Variants in HMGXB4 observed in about 807,000 individuals in gnomAD.
The protein encoded by HMGXB4 is HMG-box containing 4.
In HMGXB4, 27 loss-of-function variants were observed where a neutral mutation model predicts 63.9. That is an observed-to-expected ratio of 0.42 (90% CI 0.31 to 0.58). The LOEUF is 0.58. Among genes scored for constraint, HMGXB4 ranks in the 20% least tolerant of loss-of-function variants. The probability of loss-of-function intolerance (pLI) is 0.13; values close to 1 mark genes in which losing one functional copy is unlikely to be tolerated. For synonymous variants in HMGXB4, 264 were observed against 265.3 expected (o/e 0.99, Z 0.05); for missense variants, 624 against 700.7 (o/e 0.89, Z 1.24).
chr22:35,244,528 T>C, the HMGXB4 span, among the ~76,000 whole-genome samples: 1 of 152,358 alleles, frequency 6.6e-6, no homozygotes, highest in East Asian at 1.9e-4. Flanking sequence ...CAATGAACTT[T>C]ATGTTCTTAG....
In HMGXB4 at chr22:35,265,581, A is replaced by C. The variant is rs1422243059; in HGVS notation, c.1193A>C (p.Lys398Thr). The change falls in exon 5 of 11, where the codon AAA becomes ACA. Residue 398 changes from lysine to threonine, a missense_variant. Physicochemically the swap from Lys to Thr is moderately conservative, Grantham distance 78. Transcript: ENST00000216106. ...AAAAAGAAAAAAGAAGAGAAGGACA[A>C]AGAGAGAGAGAGAGGAGAAAAGGTA... ...EKKKKKEEKD[K>T]ERERGEKPKK... 3 of 1,514,514 alleles carry C rather than the reference A, an allele frequency of 2.0e-6. No individual in the cohort carries two copies. The highest frequency in any genetic ancestry group is 1.4e-5 in the African/African-American group (1 of 71,200). The allele number at this position is 1,514,514 out of a possible 1,614,324, so 93.8% of individuals were successfully genotyped here. A position where few individuals can be genotyped will look rare whatever the true frequency, so the allele number is the denominator to read the frequency against.
intron 5 of HMGXB4, among the ~76,000 whole-genome samples, chr22:35,280,549 CA>C (rs1924185205): frequency 6.6e-6 from 1 of 152,216 alleles, no homozygotes; most frequent in Admixed American, 6.5e-5. Context: ...CGCACTCCTG[CA>C]GCAGCCTCCT....
At chr22:35,243,613 G>A in the HMGXB4 span, among the ~76,000 whole-genome samples, 18 of 149,998 alleles carry the variant, frequency 1.2e-4, no homozygotes, top group African/African-American at 2.7e-4. Context: ...GTGTGATCTC[G>A]GCTCACTGCA....
intron 5 of HMGXB4, among the ~76,000 whole-genome samples, chr22:35,266,099 T>TTAA (rs1390432496): frequency 6.6e-6 from 1 of 152,092 alleles, no homozygotes. Context: ...TAGGGTTTCT[T>TTAA]AATAGAGTTA....
chr22:35,263,370 G>A (rs1025561501), intron 3 of HMGXB4, 144 bp downstream of exon 3: 11 of 672,112 alleles, frequency 1.6e-5, no homozygotes, highest in Middle Eastern at 4.2e-4. Context: ...TGCAACCTTC[G>A]ACTCCCAGGT....
At chr22:35,265,817 C>T (rs1323240905) in intron 5 of HMGXB4, among the ~76,000 whole-genome samples, 2 of 149,292 alleles carry the variant, frequency 1.3e-5, no homozygotes, top group South Asian at 2.1e-4. Flanking sequence ...GATGGAGTCT[C>T]GCTCTGTCGC....
At chr22:35,264,627 A>G (rs762125140) in intron 4 of HMGXB4, 21 bp from the exon 5 acceptor site, 45 of 1,520,604 alleles carry the variant, frequency 3.0e-5, no homozygotes, top group Non-Finnish European at 3.8e-5. Flanking sequence ...TATTGACAGT[A>G]CTTCTCTTGA....
In HMGXB4 at chr22:35,264,168, T is replaced by C. The variant is rs865796691; in HGVS notation, c.259+294T>C. 7.2e-5 allele frequency: 67 copies of C among 927,168 alleles called. No homozygotes were observed. In the South Asian group the frequency reaches 9.1e-4, roughly 13 times the overall value. The allele number at this position is 927,168 out of a possible 1,614,324, so 57.4% of individuals were successfully genotyped here. ...TTGTTATCTAGCATCCCTTTTGCCA[T>C]ACGTAGTCCTCTGGCCTGCACCTGT... is the stretch of plus-strand genomic sequence containing the variant. On this transcript the variant is annotated intron_variant, in intron 4 of 10. Coordinates refer to ENST00000216106, the MANE Select transcript of HMGXB4 (RefSeq NM_001003681.3).
At chr22:35,244,869 T>C in the HMGXB4 span, among the ~76,000 whole-genome samples, 1 of 152,212 alleles carries the variant, frequency 6.6e-6, no homozygotes, top group South Asian at 2.1e-4. Flanking sequence ...TGCTGGCAAC[T>C]GTACCCTTTC....
chr22:35,292,937 G>C, intron 9 of HMGXB4, 55 bp from the exon 10 acceptor site: 16 of 1,611,690 alleles, frequency 9.9e-6, no homozygotes, highest in Non-Finnish European at 1.4e-5. Context: ...GAGGAAGTCA[G>C]CCGGAACACA....
chr22:35,259,879 A>C (rs1922730465), intron 1 of HMGXB4, among the ~76,000 whole-genome samples: 1 of 152,220 alleles, frequency 6.6e-6, no homozygotes, highest in Non-Finnish European at 1.5e-5. Flanking sequence ...TGGTAGACCT[A>C]ATATATGTAA....
At chr22:35,267,493 G>C (rs1333338567) in intron 5 of HMGXB4, among the ~76,000 whole-genome samples, 1 of 152,150 alleles carries the variant, frequency 6.6e-6, no homozygotes, top group African/African-American at 2.4e-5. Flanking sequence ...TGGAGGCAGA[G>C]AGATGTTCAG....
intron 7 of HMGXB4, chr22:35,287,081 C>T (rs1924631636): frequency 2.9e-6 from 1 of 346,924 alleles, no homozygotes; most frequent in Non-Finnish European, 5.5e-6. Flanking sequence ...TGTGATTTTA[C>T]ATTTCAACTT....
At chr22:35,265,730 G>A (rs1923197694) in intron 5 of HMGXB4, 127 bp downstream of exon 5, 3 of 1,275,380 alleles carry the variant, frequency 2.4e-6, no homozygotes, top group Non-Finnish European at 3.1e-6. Context: ...GGGATATGTT[G>A]GAATGATATA....
chr22:35,246,770 C>T, the HMGXB4 span, among the ~76,000 whole-genome samples: 13 of 152,318 alleles, frequency 8.5e-5, no homozygotes, highest in African/African-American at 2.9e-4. Context: ...CCTTCTTCTC[C>T]CCACCTTGCA....
At chr22:35,250,721 T>C in the HMGXB4 span, among the ~76,000 whole-genome samples, 1 of 152,040 alleles carries the variant, frequency 6.6e-6, no homozygotes, top group African/African-American at 2.4e-5. Context: ...TTGGCTCACA[T>C]GACATAACAC....
At chr22:35,281,708 T>C (rs9306298) in intron 5 of HMGXB4, among the ~76,000 whole-genome samples, 78,134 of 152,134 alleles carry the variant, frequency 0.51, 22,904 homozygotes, top group Non-Finnish European at 0.65. Context: ...GATTTGGCAG[T>C]GTGTAGACTT....
In HMGXB4 at chr22:35,292,433, C is replaced by T. The variant is rs149642841; in HGVS notation, c.1639-559C>T. Among the ~76,000 whole-genome samples, 145 of 152,240 alleles carry T rather than the reference C, an allele frequency of 9.5e-4. 1 individual carries two copies. Among genetic ancestry groups the T allele is most frequent in the African/African-American group, 3.3e-3 (136 of 41,550 alleles). The stretch of plus-strand genomic sequence containing the variant: ...AGTTAAAGCAGATTATACAAGAACT[C>T]GGCAGCAGCAACAGTCTTTCTTATC... On this transcript the variant is annotated intron_variant, in intron 9 of 10. Transcript: ENST00000216106.
intron 1 of HMGXB4, among the ~76,000 whole-genome samples, chr22:35,259,828 T>G (rs993120684): frequency 6.6e-6 from 1 of 152,234 alleles, no homozygotes; most frequent in African/African-American, 2.4e-5. Flanking sequence ...ATCCAGTAAT[T>G]TATAAAATGC....
Sources: allele counts gnomAD v4.1 joint callset (sites outside exome capture counted in the v4.1 genomes callset), GRCh38; gene constraint gnomAD v4.1.1; transcripts MANE v1.5; gene names NCBI Gene and HGNC (gene_info 2026-07-23, HGNC 2026-07-21).